Variants in AFF2 observed in about 807,000 individuals in gnomAD.
AFF2 encodes the protein AF4/FMR2 family member 2.
AFF2 carries 14 observed loss-of-function variants against 76.9 expected under a neutral mutation model. The observed-to-expected ratio is 0.18, with a 90% CI of 0.12 to 0.28. The LOEUF is 0.28. AFF2 is among the 10% of genes least tolerant of loss of function. The pLI is 1.00. For synonymous variants in AFF2, 398 were observed against 366.7 expected (o/e 1.09, Z -0.98); for missense variants, 868 against 1,001.1 (o/e 0.87, Z 1.79).
chrX:148,667,975 C>T (rs1159164294), intron 3 of AFF2, among the ~76,000 whole-genome samples: 2 of 112,615 alleles, frequency 1.8e-5, no homozygotes, highest in African/African-American at 6.5e-5. Context: ...ATGCAAGTCC[C>T]TTCCGCTTAT....
chrX:148,786,729 A>G (rs1557269546), intron 3 of AFF2, among the ~76,000 whole-genome samples: 1 of 112,094 alleles, frequency 8.9e-6, no homozygotes, highest in African/African-American at 3.2e-5. Flanking sequence ...GGAATTCAAC[A>G]TGAACTTTGG....
intron 9 of AFF2, among the ~76,000 whole-genome samples, chrX:148,918,140 T>C (rs1338636191): frequency 1.2e-4 from 13 of 112,226 alleles, no homozygotes; most frequent in African/African-American, 3.9e-4. Context: ...TTAGCACTCT[T>C]TGAGCTCCCA....
At chrX:148,989,007 A>G (rs1003401886) in intron 20 of AFF2, among the ~76,000 whole-genome samples, 6 of 112,406 alleles carry the variant, frequency 5.3e-5, no homozygotes, top group Non-Finnish European at 9.4e-5. Context: ...CTGCCCATCT[A>G]GAGAGCAAGA....
At chrX:148,962,046 A>G (rs1416444013) in intron 12 of AFF2, among the ~76,000 whole-genome samples, 2 of 112,667 alleles carry the variant, frequency 1.8e-5, no homozygotes, top group Non-Finnish European at 3.7e-5. Flanking sequence ...GCAGATGTCT[A>G]GTGTGAATAT....
rs781983689 is a variant in AFF2, at chrX:148,536,103, G to A, written c.47+34959G>A. Among the ~76,000 whole-genome samples the A allele has an allele frequency of 9.1e-5, 10 of 109,788 alleles. No individual in the cohort carries two copies. The South Asian group carries it at 3.6e-3, about 39-fold the overall frequency. On this transcript the variant is annotated intron_variant, in intron 1 of 20. Transcript: ENST00000370460. ...GCATGGTGGTGCGCCCCTGCTACTC[G>A]GGAGGCTGAGGCAAGAGAATCGCTT...
At chrX:148,755,442 G>A (rs190902165) in intron 3 of AFF2, among the ~76,000 whole-genome samples, 1 of 111,734 alleles carries the variant, frequency 8.9e-6, no homozygotes. Context: ...AAATCACAAA[G>A]TGATGCGGGG....
chrX:148,691,920 C>T (rs782057452), intron 3 of AFF2, among the ~76,000 whole-genome samples: 2 of 111,659 alleles, frequency 1.8e-5, no homozygotes, highest in Non-Finnish European at 3.8e-5. Flanking sequence ...TGGCCTGTAT[C>T]CCAGCTGTAG....
intron 3 of AFF2, among the ~76,000 whole-genome samples, chrX:148,764,147 G>A (rs2069484362): frequency 8.9e-6 from 1 of 111,917 alleles, no homozygotes; most frequent in South Asian, 3.7e-4. Context: ...ATGTGGCATA[G>A]AAAGAACTTG....
intron 1 of AFF2, among the ~76,000 whole-genome samples, chrX:148,586,228 AG>A: frequency 9.0e-6 from 1 of 111,616 alleles, no homozygotes; most frequent in East Asian, 2.8e-4. Context: ...CTTGAATTAT[AG>A]GTTTATACAT....
chrX:148,818,303 A>G (rs1557272311), intron 4 of AFF2, among the ~76,000 whole-genome samples: 1 of 112,258 alleles, frequency 8.9e-6, no homozygotes, highest in African/African-American at 3.2e-5. Context: ...GTCTTTACAT[A>G]TAAAGCAAGC....
intron 9 of AFF2, among the ~76,000 whole-genome samples, chrX:148,949,304 A>G (rs782602874): frequency 7.4e-4 from 82 of 111,235 alleles, no homozygotes; most frequent in Non-Finnish European, 1.1e-3. Context: ...TGCCCAGACT[A>G]TCTCTTAAAG....
chrX:148,635,627 G>T (rs1557253682), intron 1 of AFF2, among the ~76,000 whole-genome samples: 1 of 111,786 alleles, frequency 8.9e-6, no homozygotes, highest in East Asian at 2.8e-4. Flanking sequence ...TGACGTTGAA[G>T]AGAAGCTGCA....
chrX:148,607,448 C>T (rs1260574859), intron 1 of AFF2, among the ~76,000 whole-genome samples: 1 of 111,277 alleles, frequency 9.0e-6, no homozygotes, highest in Non-Finnish European at 1.9e-5. Flanking sequence ...GGCAGTTCCC[C>T]TGCACACACA....
At chrX:148,552,149 C>T (rs989094091) in intron 1 of AFF2, among the ~76,000 whole-genome samples, 2 of 112,450 alleles carry the variant, frequency 1.8e-5, no homozygotes, top group Non-Finnish European at 3.8e-5. Context: ...TGATTTTAAT[C>T]TGTATTCTTT....
intron 9 of AFF2, among the ~76,000 whole-genome samples, chrX:148,925,912 C>T (rs782365233): frequency 8.9e-6 from 1 of 112,066 alleles, no homozygotes; most frequent in African/African-American, 3.2e-5. Flanking sequence ...ATCTGGTTAG[C>T]TTTGTGGCCT....
At chrX:148,952,710 G>C (rs1161154554) in intron 9 of AFF2, among the ~76,000 whole-genome samples, 1 of 112,173 alleles carries the variant, frequency 8.9e-6, no homozygotes, top group East Asian at 2.8e-4. Flanking sequence ...TAAAGGCAGA[G>C]TAGCAAATGG....
chrX:148,768,628 A>C (rs2069549163), intron 3 of AFF2, among the ~76,000 whole-genome samples: 1 of 112,080 alleles, frequency 8.9e-6, no homozygotes, highest in Admixed American at 9.5e-5. Context: ...GAGAAGAATA[A>C]TAGCTTTGGC....
chrX:148,695,899 C>T (rs1420822149), intron 3 of AFF2, among the ~76,000 whole-genome samples: 1 of 111,995 alleles, frequency 8.9e-6, no homozygotes, highest in Non-Finnish European at 1.9e-5. Flanking sequence ...AACTAGAGCA[C>T]TCAAATGTAA....
intron 5 of AFF2, among the ~76,000 whole-genome samples, chrX:148,842,488 C>G (rs1451789931): frequency 8.9e-6 from 1 of 112,467 alleles, no homozygotes; most frequent in East Asian, 2.8e-4. Context: ...AAAGTTGGAT[C>G]TGTTTCTATA....
Sources: gnomAD v4.1 joint callset for allele counts (sites outside exome capture counted in the v4.1 genomes callset) on GRCh38, gnomAD v4.1.1 for gene constraint, MANE v1.5 for transcripts, NCBI Gene and HGNC (gene_info 2026-07-23, HGNC 2026-07-21) for gene names.